Variants in SLC17A6 observed in about 807,000 individuals in gnomAD.
The protein encoded by SLC17A6 is vesicular glutamate transporter 2.
Under a neutral mutation model 67.1 loss-of-function variants are expected in SLC17A6, and 35 were observed. The observed-to-expected ratio is 0.52, with a 90% CI of 0.40 to 0.69. The LOEUF (loss-of-function observed/expected upper bound fraction) is 0.69, where lower values mean the gene tolerates loss of function less well. Ranked by LOEUF, SLC17A6 falls within the 30% of genes least tolerant of loss-of-function variation. The probability of loss-of-function intolerance (pLI) is 0.00; values close to 1 mark genes in which losing one functional copy is unlikely to be tolerated. For synonymous variants in SLC17A6, 285 were observed against 252.3 expected (o/e 1.13, Z -1.23); for missense variants, 588 against 723.9 (o/e 0.81, Z 2.15).
At chr11:22,374,614 T>A in intron 8 of SLC17A6, 141 bp from the exon 9 acceptor site, 1 of 647,570 alleles carries the variant, frequency 1.5e-6, no homozygotes, top group Non-Finnish European at 2.5e-6. Flanking sequence ...TTTCTAGGAA[T>A]GAGTAAGTGA....
At position 22,377,795 on chromosome 11, in the gene SLC17A6, G is replaced by A. The variant is rs1474473193; in HGVS notation, c.*55G>A. 3 of 1,413,114 alleles carry A rather than the reference G, an allele frequency of 2.1e-6. No homozygotes were observed. The highest frequency in any genetic ancestry group is 1.5e-5 in the African/African-American group (1 of 68,652). The allele number at this position is 1,413,114 out of a possible 1,614,324, so 87.5% of individuals were successfully genotyped here. On this transcript the variant is annotated 3_prime_UTR_variant, in exon 12 of 12. Transcript: ENST00000263160. ...GTTTGTGATTAAATTCATTGTGATT[G>A]CACAAAAATTTTAAAAACACGTGAT...
intron 3 of SLC17A6, 87 bp downstream of exon 3, chr11:22,343,452 C>T (rs1299234045): frequency 8.4e-7 from 1 of 1,186,126 alleles, no homozygotes; most frequent in African/African-American, 1.5e-5. Context: ...GACAACAGCC[C>T]AGAGGGGTTT....
At chr11:22,367,595 C>A (rs1394575702) in intron 7 of SLC17A6, among the ~76,000 whole-genome samples, 1 of 152,124 alleles carries the variant, frequency 6.6e-6, no homozygotes, top group African/African-American at 2.4e-5. Context: ...AGTTTAGCCT[C>A]AATTTCTAGC....
intron 11 of SLC17A6, among the ~76,000 whole-genome samples, chr11:22,377,039 C>T (rs954387668): frequency 1.3e-5 from 2 of 152,004 alleles, no homozygotes; most frequent in African/African-American, 4.8e-5. Context: ...TTATCATCAG[C>T]TATTTGTACT....
intron 3 of SLC17A6, among the ~76,000 whole-genome samples, chr11:22,349,509 A>G (rs1411663865): frequency 6.6e-6 from 1 of 152,202 alleles, no homozygotes; most frequent in Admixed American, 6.5e-5. Flanking sequence ...GAGTTTCTCT[A>G]GCTCTCTTTT....
chr11:22,356,475 T>C (rs1286766099), intron 3 of SLC17A6, among the ~76,000 whole-genome samples: 1 of 152,134 alleles, frequency 6.6e-6, no homozygotes, highest in Non-Finnish European at 1.5e-5. Context: ...GATTCTTAAC[T>C]AGTTACAGGG....
intron 5 of SLC17A6, 75 bp from the exon 6 acceptor site, chr11:22,362,664 C>A: frequency 1.6e-6 from 2 of 1,256,546 alleles, no homozygotes; most frequent in Non-Finnish European, 2.3e-6. Flanking sequence ...TGTGAATCAA[C>A]AAAGGAATGT....
At chr11:22,375,373 A>AAAAAAT (rs913023617) in intron 9 of SLC17A6, among the ~76,000 whole-genome samples, 2 of 152,008 alleles carry the variant, frequency 1.3e-5, no homozygotes, top group Non-Finnish European at 2.9e-5. Flanking sequence ...ACTCCGTCTC[A>AAAAAAT]AAAAATAAAA....
chr11:22,359,387 CAG>C (rs1447762380), intron 3 of SLC17A6, 24 bp from the exon 4 acceptor site: 1 of 1,409,446 alleles, frequency 7.1e-7, no homozygotes. Flanking sequence ...ATCATTTAAA[CAG>C]TGTTCTCATC....
intron 3 of SLC17A6, among the ~76,000 whole-genome samples, chr11:22,351,826 G>A (rs765436973): frequency 1.3e-5 from 2 of 152,086 alleles, no homozygotes; most frequent in Admixed American, 6.6e-5. Context: ...CATTTTCAGG[G>A]CAGTAGTGCT....
At chr11:22,358,464 A>G (rs994309128) in intron 3 of SLC17A6, among the ~76,000 whole-genome samples, 1 of 152,126 alleles carries the variant, frequency 6.6e-6, no homozygotes, top group African/African-American at 2.4e-5. Context: ...AGTAGCTGGG[A>G]TTACAGGCGC....
chr11:22,376,701 A>T, intron 11 of SLC17A6, 29 bp downstream of exon 11: 1 of 1,610,636 alleles, frequency 6.2e-7, no homozygotes, highest in Non-Finnish European at 8.5e-7. Context: ...ATGTTTAGTC[A>T]TAGAAGACAG....
chr11:22,348,957 T>C (rs1200610620), intron 3 of SLC17A6, among the ~76,000 whole-genome samples: 1 of 152,160 alleles, frequency 6.6e-6, no homozygotes, highest in Admixed American at 6.6e-5. Context: ...TTCAGAGAGA[T>C]GCAACAGTAA....
At chr11:22,370,257 G>T in intron 8 of SLC17A6, 69 bp downstream of exon 8, 1 of 1,345,812 alleles carries the variant, frequency 7.4e-7, no homozygotes, top group South Asian at 1.4e-5. Flanking sequence ...AAATTCATTT[G>T]CAAAAATTTT....
At chr11:22,372,973 G>A (rs1356200838) in intron 8 of SLC17A6, among the ~76,000 whole-genome samples, 2 of 152,134 alleles carry the variant, frequency 1.3e-5, no homozygotes, top group African/African-American at 2.4e-5. Context: ...AAATAGGAGA[G>A]TCAATACCCT....
chr11:22,347,668 A>G (rs1251373313), intron 3 of SLC17A6, among the ~76,000 whole-genome samples: 1 of 152,172 alleles, frequency 6.6e-6, no homozygotes, highest in African/African-American at 2.4e-5. Context: ...CATGTACATT[A>G]TTCAAATTGA....
intron 4 of SLC17A6, among the ~76,000 whole-genome samples, chr11:22,360,559 T>C (rs1302282825): frequency 1.7e-5 from 2 of 116,176 alleles, no homozygotes; most frequent in African/African-American, 6.1e-5. Flanking sequence ...AGGTTCAAAA[T>C]AACAGAAAAA....
chr11:22,338,441 T>C lies in SLC17A6; in HGVS notation c.-93T>C, dbSNP rs944662581. On this transcript the variant is annotated 5_prime_UTR_variant, in exon 1 of 12. Transcript: ENST00000263160. ...CTGCTGAGAAGGAAAAGCCCGCAAC[T>C]ACTTTAAGAGATTAAGACAATATGC... The C allele has an allele frequency of 5.6e-6, 5 of 888,684 alleles. No individual in the cohort carries two copies. The highest frequency in any genetic ancestry group is 2.5e-5 in the East Asian group (1 of 40,522). The allele number at this position is 888,684 out of a possible 1,614,324, so 55.0% of individuals were successfully genotyped here. A position where few individuals can be genotyped will look rare whatever the true frequency, so the allele number is the denominator to read the frequency against.
rs199910056 is a variant in SLC17A6, at chr11:22,343,398, G to C, written c.458+33G>C. ...GCCAGGCGGGACTGGGGCTCGGGGC[G>C]TGGTGTTTGTTTCCTCCGAAGGGGC... On this transcript the variant is annotated intron_variant, in intron 3 of 11. Coordinates refer to ENST00000263160, the MANE Select transcript of SLC17A6 (RefSeq NM_020346.3). 35 of 1,560,726 alleles carry C rather than the reference G, an allele frequency of 2.2e-5. No homozygotes were observed. In the East Asian group the frequency reaches 7.4e-4, roughly 33 times the overall value.
Sources: gnomAD v4.1 joint callset for allele counts (sites outside exome capture counted in the v4.1 genomes callset) on GRCh38, gnomAD v4.1.1 for gene constraint, MANE v1.5 for transcripts, NCBI Gene and HGNC (gene_info 2026-07-23, HGNC 2026-07-21) for gene names.